The following AGMO variants were observed in gnomAD, a reference collection of about 807,000 sequenced individuals.
AGMO encodes alkylglycerol monooxygenase.
In AGMO, 75 loss-of-function variants were observed where a neutral mutation model predicts 60.2. The observed-to-expected ratio is 1.25, with a 90% CI of 1.03 to 1.51. The LOEUF (loss-of-function observed/expected upper bound fraction) is 1.51, where lower values mean the gene tolerates loss of function less well. Among genes scored for constraint, AGMO ranks in the 40% most tolerant of loss-of-function variants. The pLI, the probability that AGMO is intolerant of heterozygous loss-of-function variation, is 0.00. For synonymous variants in AGMO, 261 were observed against 177.1 expected (o/e 1.47, Z -3.76); for missense variants, 763 against 525.5 (o/e 1.45, Z -4.42).
At chr7:15,289,048 TA>T (rs1237950427) in intron 12 of AGMO, among the ~76,000 whole-genome samples, 1 of 151,854 alleles carries the variant, frequency 6.6e-6, no homozygotes, top group Non-Finnish European at 1.5e-5. Flanking sequence ...CTCCATTCTT[TA>T]AATTTTCTTT....
intron 12 of AGMO, among the ~76,000 whole-genome samples, chr7:15,207,618 G>A (rs531338550): frequency 6.6e-6 from 1 of 152,160 alleles, no homozygotes; most frequent in African/African-American, 2.4e-5. Flanking sequence ...TTGTCAAAAG[G>A]TCAGGTACAT....
intron 12 of AGMO, among the ~76,000 whole-genome samples, chr7:15,305,108 T>G (rs1339645139): frequency 6.6e-6 from 1 of 151,958 alleles, no homozygotes; most frequent in Non-Finnish European, 1.5e-5. Context: ...TAACTTGTGG[T>G]AGCACCTATC....
the AGMO span, among the ~76,000 whole-genome samples, chr7:15,144,887 T>A: frequency 2.0e-4 from 30 of 152,222 alleles, no homozygotes; most frequent in Non-Finnish European, 1.5e-5. Flanking sequence ...TGGAGTGCAG[T>A]GGTGCGATCT....
chr7:15,187,360 T>C, the AGMO span, among the ~76,000 whole-genome samples: 1 of 152,200 alleles, frequency 6.6e-6, no homozygotes, highest in Non-Finnish European at 1.5e-5. Flanking sequence ...AAAACAGGAC[T>C]CATAGATAAA....
At chr7:15,406,286 G>GTGTGTATATATATGGAATATACATATATA (rs1381149976) in intron 5 of AGMO, among the ~76,000 whole-genome samples, 3 of 143,456 alleles carry the variant, frequency 2.1e-5, no homozygotes, top group African/African-American at 8.0e-5. Flanking sequence ...GTACACATAT[G>GTGTGTATATATATGGAATATACATATATA]TGTGTATATA....
At chr7:15,442,514 C>T (rs1272479215) in intron 3 of AGMO, among the ~76,000 whole-genome samples, 5 of 152,166 alleles carry the variant, frequency 3.3e-5, no homozygotes, top group African/African-American at 1.2e-4. Context: ...TATTCCCCAA[C>T]CTTGACCCTT....
intron 3 of AGMO, among the ~76,000 whole-genome samples, chr7:15,543,600 C>A (rs923644850): frequency 6.6e-6 from 1 of 152,030 alleles, no homozygotes. Context: ...CACACTGTTG[C>A]AGGGTCCTTC....
chr7:15,537,712 C>G (rs750927760), intron 3 of AGMO, among the ~76,000 whole-genome samples: 18 of 151,952 alleles, frequency 1.2e-4, no homozygotes, highest in Non-Finnish European at 1.9e-4. Flanking sequence ...CTTACAAACC[C>G]TTGATAATAG....
chr7:15,233,804 C>T (rs1782331040), intron 12 of AGMO, among the ~76,000 whole-genome samples: 1 of 152,126 alleles, frequency 6.6e-6, no homozygotes, highest in East Asian at 1.9e-4. Context: ...GTAATCCCAG[C>T]ATTTTGGGAG....
intron 12 of AGMO, among the ~76,000 whole-genome samples, chr7:15,293,542 T>A (rs923893397): frequency 1.3e-5 from 2 of 152,090 alleles, no homozygotes; most frequent in East Asian, 3.9e-4. Flanking sequence ...TATAAAAAAA[T>A]GTTGAAACAA....
intron 12 of AGMO, among the ~76,000 whole-genome samples, chr7:15,337,750 T>G (rs1781708976): frequency 6.6e-6 from 1 of 152,236 alleles, no homozygotes; most frequent in African/African-American, 2.4e-5. Context: ...GTCCACCTGC[T>G]TCTGAGTGCA....
chr7:15,390,365 T>C (rs1261402098), intron 8 of AGMO, among the ~76,000 whole-genome samples: 1 of 152,212 alleles, frequency 6.6e-6, no homozygotes, highest in Non-Finnish European at 1.5e-5. Flanking sequence ...CATGTTACTA[T>C]TGCTCCTACT....
At chr7:15,400,483 C>T (rs4721433) in intron 5 of AGMO, among the ~76,000 whole-genome samples, 15,643 of 152,104 alleles carry the variant, frequency 0.1, 1,009 homozygotes, top group South Asian at 0.18. Context: ...AGTGTCATTC[C>T]GTGCTCTAGA....
intron 5 of AGMO, among the ~76,000 whole-genome samples, chr7:15,398,529 C>G (rs1306606777): frequency 6.6e-6 from 1 of 152,086 alleles, no homozygotes; most frequent in Non-Finnish European, 1.5e-5. Context: ...CCTTCCAATT[C>G]AAAGTCATGG....
At chr7:15,362,702 G>C (rs114294887) in intron 12 of AGMO, among the ~76,000 whole-genome samples, 2,057 of 152,228 alleles carry the variant, frequency 0.014, 50 homozygotes, top group African/African-American at 0.048. Context: ...TTTTCCATGA[G>C]GTCCTCTTTT....
At chr7:15,325,411 C>A (rs1391416119) in intron 12 of AGMO, among the ~76,000 whole-genome samples, 2 of 151,830 alleles carry the variant, frequency 1.3e-5, no homozygotes, top group Non-Finnish European at 2.9e-5. Context: ...AGTGAGCGTT[C>A]AAGGGCATGT....
At chr7:15,468,515 T>C (rs1033185211) in intron 3 of AGMO, among the ~76,000 whole-genome samples, 4 of 152,086 alleles carry the variant, frequency 2.6e-5, no homozygotes, top group African/African-American at 9.7e-5. Context: ...ATTATACATA[T>C]GCATTTAAAT....
intron 12 of AGMO, among the ~76,000 whole-genome samples, chr7:15,305,864 A>G (rs1033071144): frequency 1.3e-5 from 2 of 151,986 alleles, no homozygotes; most frequent in African/African-American, 2.4e-5. Flanking sequence ...GTAAAATGGC[A>G]CTATGGGTAC....
downstream of AGMO, among the ~76,000 whole-genome samples, chr7:15,195,520 G>T (rs1049320191): frequency 6.6e-6 from 1 of 152,210 alleles, no homozygotes; most frequent in Non-Finnish European, 1.5e-5. Flanking sequence ...TATGCAAATG[G>T]GTTTTGTACT....
Sources: gnomAD v4.1 joint callset for allele counts (sites outside exome capture counted in the v4.1 genomes callset) on GRCh38, gnomAD v4.1.1 for gene constraint, MANE v1.5 for transcripts, NCBI Gene and HGNC (gene_info 2026-07-23, HGNC 2026-07-21) for gene names.